Variants in MAGI2 observed in about 807,000 individuals in gnomAD.
MAGI2 encodes the protein membrane-associated guanylate kinase, WW and PDZ domain-containing protein 2.
A neutral mutation model predicts 133.3 loss-of-function variants in MAGI2; 35 were observed. The ratio of observed to expected loss-of-function variants is 0.26; its 90% CI spans 0.20 to 0.35. MAGI2 has a LOEUF of 0.35. MAGI2 is among the 10% of genes least tolerant of loss of function. The pLI, the probability that MAGI2 is intolerant of heterozygous loss-of-function variation, is 1.00. For missense variants in MAGI2, 1,636 were observed against 1,863.4 expected (o/e 0.88, Z 2.25); for synonymous variants, 729 against 710.6 (o/e 1.03, Z -0.41).
At chr7:78,024,105 C>T (rs918965629) in intron 21 of MAGI2, among the ~76,000 whole-genome samples, 2 of 152,198 alleles carry the variant, frequency 1.3e-5, no homozygotes, top group Non-Finnish European at 2.9e-5. Flanking sequence ...CACATTTTCA[C>T]ACAGCTGACT....
intron 18 of MAGI2, among the ~76,000 whole-genome samples, chr7:78,128,152 T>C (rs918496087): frequency 6.6e-6 from 1 of 152,210 alleles, no homozygotes; most frequent in Non-Finnish European, 1.5e-5. Flanking sequence ...AACATTTATC[T>C]CTTGCTTGCT....
intron 1 of MAGI2, among the ~76,000 whole-genome samples, chr7:79,358,125 C>A (rs973622974): frequency 6.6e-6 from 1 of 151,964 alleles, no homozygotes; most frequent in African/African-American, 2.4e-5. Context: ...AAGAACCTTT[C>A]TCTATGAAAA....
intron 1 of MAGI2, among the ~76,000 whole-genome samples, chr7:79,171,460 T>A (rs918550039): frequency 1.4e-4 from 22 of 151,790 alleles, no homozygotes; most frequent in Admixed American, 1.3e-3. Flanking sequence ...AGGGCTTAGG[T>A]CTTCAGCATA....
intron 2 of MAGI2, among the ~76,000 whole-genome samples, chr7:78,715,218 G>A (rs2151186159): frequency 6.6e-6 from 1 of 152,168 alleles, no homozygotes; most frequent in East Asian, 1.9e-4. Flanking sequence ...GTTCCAGTAA[G>A]GATGAAATAA....
chr7:78,655,169 GC>G (rs1339250409), intron 2 of MAGI2, among the ~76,000 whole-genome samples: 1 of 151,374 alleles, frequency 6.6e-6, no homozygotes, highest in Non-Finnish European at 1.5e-5. Context: ...TGCCATTCAG[GC>G]AGAAAAAGGC....
At chr7:78,780,822 C>T (rs1284204814) in intron 2 of MAGI2, among the ~76,000 whole-genome samples, 1 of 152,128 alleles carries the variant, frequency 6.6e-6, no homozygotes, top group Non-Finnish European at 1.5e-5. Flanking sequence ...TATGGCCCGG[C>T]CTTTCTTATT....
At chr7:79,371,990 A>G (rs1297248699) in intron 1 of MAGI2, among the ~76,000 whole-genome samples, 1 of 152,176 alleles carries the variant, frequency 6.6e-6, no homozygotes, top group East Asian at 1.9e-4. Context: ...CAGGCATTAT[A>G]TTACTTAATA....
intron 2 of MAGI2, among the ~76,000 whole-genome samples, chr7:78,731,580 T>C (rs893816455): frequency 8.5e-5 from 13 of 152,302 alleles, no homozygotes; most frequent in African/African-American, 3.1e-4. Flanking sequence ...ATATTTTCAA[T>C]GAAAGTGCTT....
chr7:78,560,965 T>C (rs1005888307), intron 3 of MAGI2, among the ~76,000 whole-genome samples: 2 of 152,298 alleles, frequency 1.3e-5, no homozygotes, highest in Middle Eastern at 3.4e-3. Flanking sequence ...TCAGGTGTCC[T>C]AGAGAAAGGT....
Position 79,056,228 on chromosome 7 carries a change from CA to C in MAGI2, c.302-49023del, listed in dbSNP as rs57138651. The stretch of plus-strand genomic sequence containing the variant: ...GGTGAGATTCCATCTCAAAAAACAA[CA>C]AAAAAAAAATTAGCTGTGCATGGTT... On this transcript the variant is annotated intron_variant, in intron 1 of 21. Coordinates refer to ENST00000354212, the MANE Select transcript of MAGI2 (RefSeq NM_012301.4). 2.0e-3 allele frequency among the ~76,000 whole-genome samples: 294 copies of C among 149,328 alleles called. 1 individual carries two copies. The highest frequency in any genetic ancestry group is 3.4e-3 in the Middle Eastern group (1 of 292).
At chr7:78,338,170 A>C (rs1002419024) in intron 9 of MAGI2, among the ~76,000 whole-genome samples, 10 of 152,296 alleles carry the variant, frequency 6.6e-5, no homozygotes, top group Non-Finnish European at 1.5e-4. Flanking sequence ...TAAGTAGTTC[A>C]TCTTTACCAC....
chr7:78,801,561 G>A (rs1788054520), intron 2 of MAGI2, among the ~76,000 whole-genome samples: 1 of 152,006 alleles, frequency 6.6e-6, no homozygotes, highest in African/African-American at 2.4e-5. Flanking sequence ...AACCATGTAG[G>A]AACCACAGAG....
chr7:78,285,313 A>T (rs1178527738), intron 9 of MAGI2, among the ~76,000 whole-genome samples: 1 of 152,104 alleles, frequency 6.6e-6, no homozygotes, highest in Non-Finnish European at 1.5e-5. Flanking sequence ...TACATAATAC[A>T]GTTACATAAT....
chr7:78,371,479 C>A (rs760445871), intron 6 of MAGI2, among the ~76,000 whole-genome samples: 1 of 151,888 alleles, frequency 6.6e-6, no homozygotes, highest in Non-Finnish European at 1.5e-5. Flanking sequence ...ATGAATACAG[C>A]CCTACTTCTT....
intron 1 of MAGI2, among the ~76,000 whole-genome samples, chr7:79,225,160 G>C (rs142571212): frequency 6.6e-6 from 1 of 152,162 alleles, no homozygotes; most frequent in Non-Finnish European, 1.5e-5. Context: ...CTTCTCCTCT[G>C]AGCTTTTCCA....
intron 3 of MAGI2, among the ~76,000 whole-genome samples, chr7:78,557,106 A>AG (rs983269350): frequency 1.9e-4 from 28 of 149,436 alleles, no homozygotes; most frequent in Admixed American, 1.7e-3. Flanking sequence ...AAAAAGAAAA[A>AG]GAAAAAAAAA....
chr7:78,150,399 T>C lies in MAGI2; in HGVS notation c.2845+9626A>G, dbSNP rs573601821. 3.3e-5 allele frequency among the ~76,000 whole-genome samples: 5 copies of C among 152,170 alleles called. No individual in the cohort carries two copies. The South Asian group carries it at 8.3e-4, about 25-fold the overall frequency. ...TGATTGTTGGGAAGAAAGAGAAAAA[T>C]AAAAAATCACAGAGAGCTTAATCCA... On this transcript the variant is annotated intron_variant, in intron 16 of 21. Coordinates refer to ENST00000354212, the MANE Select transcript of MAGI2 (RefSeq NM_012301.4).
intron 1 of MAGI2, among the ~76,000 whole-genome samples, chr7:79,422,555 C>T (rs764107094): frequency 2.6e-5 from 4 of 152,004 alleles, no homozygotes; most frequent in Admixed American, 2.0e-4. Context: ...CTGTCCTAAG[C>T]ATTCCACACT....
intron 3 of MAGI2, among the ~76,000 whole-genome samples, chr7:78,561,393 G>T (rs909059289): frequency 2.0e-5 from 3 of 152,160 alleles, no homozygotes; most frequent in Admixed American, 1.3e-4. Flanking sequence ...TGAAATATAG[G>T]TTAGCATGAA....
Sources: gnomAD v4.1 joint callset for allele counts (sites outside exome capture counted in the v4.1 genomes callset) on GRCh38, gnomAD v4.1.1 for gene constraint, MANE v1.5 for transcripts, NCBI Gene and HGNC (gene_info 2026-07-23, HGNC 2026-07-21) for gene names.